ZNF658: variants seen among roughly 807,000 people sequenced by gnomAD.
The protein encoded by ZNF658 is zinc finger protein 658.
ZNF658 carries 46 observed loss-of-function variants against 78.0 expected under a neutral mutation model. That is an observed-to-expected ratio of 0.59 (90% CI 0.47 to 0.75). ZNF658 has a LOEUF of 0.75. ZNF658 is among the 30% of genes least tolerant of loss of function. The probability of loss-of-function intolerance (pLI) is 0.00; values close to 1 mark genes in which losing one functional copy is unlikely to be tolerated. For synonymous variants in ZNF658, 279 were observed against 408.4 expected (o/e 0.68, Z 3.82); for missense variants, 785 against 1,189.3 (o/e 0.66, Z 5.00).
chr9:66,930,886 G>C (rs35153423), intron 6 of ZNF658, among the ~76,000 whole-genome samples: 61,888 of 145,794 alleles, frequency 0.42, 13,905 homozygotes, highest in Middle Eastern at 0.65. Flanking sequence ...TTGCATTTAA[G>C]ATGCCATTGT....
At chr9:66,911,666 A>C (rs1454362513) in intron 4 of ZNF658, among the ~76,000 whole-genome samples, 2 of 108,034 alleles carry the variant, frequency 1.9e-5, no homozygotes, top group Admixed American at 9.7e-5. Flanking sequence ...CCTATATAAT[A>C]AATTCAAGTC....
At chr9:66,908,134 A>T in intron 2 of ZNF658, 104 bp from the exon 3 acceptor site, 1 of 1,600,520 alleles carries the variant, frequency 6.2e-7, no homozygotes, top group South Asian at 1.1e-5. Context: ...GGCCTTTATA[A>T]CCATTCATTT....
intron 2 of ZNF658, 149 bp from the exon 3 acceptor site, chr9:66,908,089 G>A (rs889040206): frequency 4.0e-5 from 57 of 1,427,942 alleles, no homozygotes; most frequent in East Asian, 2.5e-5. Context: ...AATGTTTTGA[G>A]TTACATATGT....
chr9:66,927,781 TTAGA>T (rs1354831146), intron 6 of ZNF658, among the ~76,000 whole-genome samples: 2 of 147,356 alleles, frequency 1.4e-5, no homozygotes, highest in African/African-American at 2.5e-5. Context: ...TTTGCTTATC[TTAGA>T]TAGTGAAAAT....
rs1163643871 is a variant in ZNF658, at chr9:66,920,338, T to C, written c.2772T>C (p.Tyr924=). The C allele has an allele frequency of 3.1e-6, 5 of 1,613,538 alleles. No individual in the cohort carries two copies. Among genetic ancestry groups the C allele is most frequent in the East Asian group, 4.5e-5 (2 of 44,862 alleles). ...GGAAAACCTTCTCTGAGAAGTCATA[T>C]GTTAGTGCACATCAGAGAGTTCATA... is the stretch of plus-strand genomic sequence containing the variant. The part of the protein sequence containing the change: ...ECGKTFSEKS[Y]VSAHQRVHTG... The change falls in exon 5 of 5, where the codon TAT becomes TAC. Residue 924 remains tyrosine (Y), a synonymous_variant. Coordinates refer to ENST00000621410, the MANE Select transcript of ZNF658 (RefSeq NM_033160.7).
In ZNF658 at chr9:66,920,111, A is replaced by C. The variant is rs1008115063; in HGVS notation, c.2545A>C (p.Thr849Pro). 1.2e-6 allele frequency: 2 copies of C among 1,612,320 alleles called. No homozygotes were observed. Among genetic ancestry groups the C allele is most frequent in the African/African-American group, 2.7e-5 (2 of 74,644 alleles). ...CCTCTGTGCACATCAGAGAATTCATACTGGGGAAAAACCCTATGAGTGTAA... is the reference window on the plus strand; with the variant it reads ...CCTCTGTGCACATCAGAGAATTCATCCTGGGGAAAAACCCTATGAGTGTAA... ...THLCAHQRIH[T>P]GEKPYECNEC... The change falls in exon 5 of 5, where the codon ACT becomes CCT. Residue 849 changes from threonine to proline, a missense_variant. Coordinates refer to ENST00000621410, the MANE Select transcript of ZNF658 (RefSeq NM_033160.7).
intron 4 of ZNF658, among the ~76,000 whole-genome samples, chr9:66,913,344 G>A (rs1357438218): frequency 6.6e-5 from 10 of 151,798 alleles, no homozygotes; most frequent in African/African-American, 1.7e-4. Flanking sequence ...AGAATCGCTT[G>A]AACTCGGGAG....
intron 6 of ZNF658, among the ~76,000 whole-genome samples, chr9:66,928,723 T>C (rs1403389576): frequency 6.8e-6 from 1 of 146,532 alleles, no homozygotes; most frequent in African/African-American, 2.5e-5. Flanking sequence ...AGCCAGGAGA[T>C]TTACAATAGC....
chr9:66,925,408 T>C (rs1272727437), downstream of ZNF658, among the ~76,000 whole-genome samples: 2 of 151,984 alleles, frequency 1.3e-5, no homozygotes, highest in Non-Finnish European at 2.9e-5. Flanking sequence ...GAAAAAGACA[T>C]TGCAACTGAT....
At chr9:66,925,519 C>A (rs1215434388), downstream of ZNF658, among the ~76,000 whole-genome samples, 1 of 151,950 alleles carries the variant, frequency 6.6e-6, no homozygotes, top group East Asian at 1.9e-4. Flanking sequence ...AAACATACAA[C>A]CTACCAAGAG....
At chr9:66,902,764 A>T (rs1203964763) in intron 1 of ZNF658, 3 of 152,230 alleles carry the variant, frequency 2.0e-5, no homozygotes, top group African/African-American at 7.2e-5. Flanking sequence ...TTCCTTGCAT[A>T]AAACATCCCA....
intron 2 of ZNF658, 120 bp from the exon 3 acceptor site, chr9:66,908,118 A>C: frequency 6.4e-7 from 1 of 1,573,992 alleles, no homozygotes; most frequent in Non-Finnish European, 8.6e-7. Flanking sequence ...TTTTGGGTCT[A>C]AAATAGGCCT....
chr9:66,925,277 C>G (rs1822575181), downstream of ZNF658, among the ~76,000 whole-genome samples: 1 of 150,760 alleles, frequency 6.6e-6, no homozygotes, highest in Admixed American at 6.6e-5. Flanking sequence ...AAATAAATTA[C>G]AGCATTATGT....
Position 66,917,971 on chromosome 9 carries a change from A to G in ZNF658, c.405A>G (p.Ile135Met), listed in dbSNP as rs201239329. 20 of 1,607,340 alleles carry G rather than the reference A, an allele frequency of 1.2e-5. No homozygotes were observed. Among genetic ancestry groups the G allele is most frequent in the Non-Finnish European group, 1.4e-5 (16 of 1,178,736 alleles). The change falls in exon 5 of 5, where the codon ATA (isoleucine) becomes ATG (methionine). Residue 135 changes from isoleucine (I) to methionine (M), a missense_variant. Coordinates refer to ENST00000621410, the MANE Select transcript of ZNF658 (RefSeq NM_033160.7). ...LEIAPELSEK[I>M]SCKCDSHRMN... The stretch of plus-strand genomic sequence containing the variant: ...TAGCTCCAGAGCTTTCAGAAAAAAT[A>G]TCCTGTAAATGTGACTCACACAGAA...
intron 6 of ZNF658, among the ~76,000 whole-genome samples, chr9:66,927,412 A>G (rs1032099165): frequency 6.6e-6 from 1 of 152,132 alleles, no homozygotes; most frequent in Non-Finnish European, 1.5e-5. Flanking sequence ...GGAATACACG[A>G]TGGTGCATTT....
At chr9:66,925,301 C>T (rs914446102), downstream of ZNF658, among the ~76,000 whole-genome samples, 1 of 151,254 alleles carries the variant, frequency 6.6e-6, no homozygotes, top group Non-Finnish European at 1.5e-5. Context: ...CAGAATAACA[C>T]ACAAGGACCA....
chr9:66,922,234 C>T (rs551177966), downstream of ZNF658, among the ~76,000 whole-genome samples: 548 of 150,170 alleles, frequency 3.6e-3, 5 homozygotes, highest in African/African-American at 0.013. Flanking sequence ...TCCTGATTTT[C>T]CAGGTACTGT....
intron 4 of ZNF658, among the ~76,000 whole-genome samples, chr9:66,910,118 C>A (rs1406888908): frequency 6.6e-6 from 1 of 152,104 alleles, no homozygotes; most frequent in African/African-American, 2.4e-5. Flanking sequence ...TCCTTGAAGG[C>A]CTTGTCTGCA....
At position 66,919,166 on chromosome 9, in the gene ZNF658, A is replaced by G; in HGVS notation, c.1600A>G (p.Arg534Gly). The change falls in exon 5 of 5, where the codon AGA becomes GGA. Residue 534 changes from arginine to glycine, a missense_variant. By Grantham distance (125) the Arg-to-Gly change is moderately radical. Transcript: ENST00000621410. ...GKTFSKTSHL[R>G]AHQRIHTGEK... is the part of the protein sequence containing the mutation. ...AACTTTCTCCAAGACATCACATCTC[A>G]GAGCACATCAGAGAATTCACACAGG... The G allele has an allele frequency of 1.8e-6, 1 of 542,064 alleles. No individual in the cohort carries two copies. 33.6% of individuals were successfully genotyped at this position (542,064 alleles called of 1,614,324 possible).
Sources: allele counts gnomAD v4.1 joint callset (sites outside exome capture counted in the v4.1 genomes callset), GRCh38; gene constraint gnomAD v4.1.1; transcripts MANE v1.5; gene names NCBI Gene and HGNC (gene_info 2026-07-23, HGNC 2026-07-21).